TBC1D4: variants seen among roughly 807,000 people sequenced by gnomAD.
The protein encoded by TBC1D4 is TBC1 domain family member 4.
TBC1D4 carries 121 observed loss-of-function variants against 142.5 expected under a neutral mutation model. The observed-to-expected ratio is 0.85, with a 90% CI of 0.73 to 0.99. The LOEUF is 0.99. TBC1D4 is among the 50% of genes least tolerant of loss of function. The pLI is 0.00. For synonymous variants in TBC1D4, 630 were observed against 628.2 expected (o/e 1.00, Z -0.04); for missense variants, 1,475 against 1,606.6 (o/e 0.92, Z 1.40).
chr13:75,470,948 T>G (rs912537070), intron 1 of TBC1D4, among the ~76,000 whole-genome samples: 1 of 150,606 alleles, frequency 6.6e-6, no homozygotes, highest in Non-Finnish European at 1.5e-5. Context: ...GATCCGCCAC[T>G]GCACTCCAGC....
intron 1 of TBC1D4, among the ~76,000 whole-genome samples, chr13:75,462,319 A>G (rs1482424257): frequency 6.6e-6 from 1 of 152,190 alleles, no homozygotes; most frequent in Admixed American, 6.5e-5. Context: ...TACAGACCTA[A>G]AGTTTAATAT....
At chr13:75,328,822 T>C (rs569367473) in intron 8 of TBC1D4, among the ~76,000 whole-genome samples, 1 of 152,198 alleles carries the variant, frequency 6.6e-6, no homozygotes, top group South Asian at 2.1e-4. Flanking sequence ...GGGTAAGGGG[T>C]TGCATTTCAT....
rs547487480 is a variant in TBC1D4, at chr13:75,291,319, C to A, written c.3486+783G>T. 7.2e-5 allele frequency among the ~76,000 whole-genome samples: 11 copies of A among 152,310 alleles called. No homozygotes were observed. In the East Asian group the frequency reaches 7.7e-4, roughly 11 times the overall value. On this transcript the variant is annotated intron_variant, in intron 19 of 20. Transcript: ENST00000377636. ...TCTGCCTAGTTCAACAAGACCACAACAACCAGCACAGAACCCTCCTCCACG... is the reference window on the plus strand; with the variant it reads ...TCTGCCTAGTTCAACAAGACCACAAAAACCAGCACAGAACCCTCCTCCACG...
At chr13:75,480,178 T>A (rs1017276932) in intron 1 of TBC1D4, among the ~76,000 whole-genome samples, 2 of 152,124 alleles carry the variant, frequency 1.3e-5, no homozygotes, top group African/African-American at 4.8e-5. Context: ...ATAAAAAAAA[T>A]TAAAGCCATA....
Position 75,356,104 on chromosome 13 carries a change from G to A in TBC1D4, c.1275+43C>T, listed in dbSNP as rs746179901. ...TAAGAGACAAGTCTTCTGTTCGACA[G>A]ATGTGTCCGCAGGAGCAGGCAGACA... On this transcript the variant is annotated intron_variant, in intron 4 of 20. Transcript: ENST00000377636. The A allele has an allele frequency of 9.6e-6, 14 of 1,453,204 alleles. No individual in the cohort carries two copies. In the Middle Eastern group the frequency reaches 1.4e-3, roughly 145 times the overall value. 90.0% of individuals were successfully genotyped at this position (1,453,204 alleles called of 1,614,324 possible). A position where few individuals can be genotyped will look rare whatever the true frequency, so the allele number is the denominator to read the frequency against.
At position 75,341,083 on chromosome 13, in the gene TBC1D4, A is replaced by C. The variant is rs756271610; in HGVS notation, c.1611+42T>G. On this transcript the variant is annotated intron_variant, in intron 7 of 20. Coordinates refer to ENST00000377636, the MANE Select transcript of TBC1D4 (RefSeq NM_014832.5). ...AAAGGGAAGAATTAACAAAATTATT[A>C]AACAACAACAAAAGTAGGTGAAGTA... The C allele has an allele frequency of 4.4e-6, 7 of 1,575,704 alleles. 1 individual carries two copies. The South Asian group carries it at 6.7e-5, about 15-fold the overall frequency.
chr13:75,320,030 T>C lies in TBC1D4; in HGVS notation c.2206A>G (p.Thr736Ala), dbSNP rs542340330. 8 of 1,613,416 alleles carry C rather than the reference T, an allele frequency of 5.0e-6. No homozygotes were observed. In the Admixed American group the frequency reaches 6.7e-5, roughly 13 times the overall value. Reference protein sequence around the residue: ...PQYENEIRQDTASESSDGEGR... With the variant: ...PQYENEIRQDAASESSDGEGR... ...TCTAATCACCTTGATTCTGAAGCAG[T>C]GTCTTGTCTGGTACAACAGGAAAAC... The change falls in exon 12 of 21, where the codon ACT (threonine) becomes GCT (alanine). Residue 736 changes from threonine to alanine, a missense_variant. Physicochemically the swap from Thr to Ala is moderately conservative, Grantham distance 58. Around this residue, in one of 2 missense-constraint regions of TBC1D4, gnomAD observed 1,227 missense variants for 1,267.7 expected, o/e 0.97. Coordinates refer to ENST00000377636, the MANE Select transcript of TBC1D4 (RefSeq NM_014832.5).
At chr13:75,333,245 C>T (rs189091422) in intron 8 of TBC1D4, among the ~76,000 whole-genome samples, 12 of 152,290 alleles carry the variant, frequency 7.9e-5, no homozygotes, top group Non-Finnish European at 1.5e-4. Flanking sequence ...GTTAAAACAC[C>T]TACCACCCAA....
At chr13:75,354,919 G>A (rs1166841174) in intron 4 of TBC1D4, among the ~76,000 whole-genome samples, 2 of 152,120 alleles carry the variant, frequency 1.3e-5, no homozygotes, top group African/African-American at 4.8e-5. Context: ...AACAGCCTCT[G>A]GATATCAACA....
At chr13:75,307,064 G>A (rs1324378617) in intron 14 of TBC1D4, among the ~76,000 whole-genome samples, 2 of 152,136 alleles carry the variant, frequency 1.3e-5, no homozygotes, top group Admixed American at 6.5e-5. Flanking sequence ...TCAACCTCCT[G>A]AGCTCCCATC....
At chr13:75,416,456 G>A (rs2138100612) in intron 1 of TBC1D4, among the ~76,000 whole-genome samples, 1 of 152,290 alleles carries the variant, frequency 6.6e-6, no homozygotes, top group Middle Eastern at 3.4e-3. Flanking sequence ...GATTTACAAA[G>A]ATAACTAAGT....
At chr13:75,380,082 T>C (rs1883740864) in intron 1 of TBC1D4, among the ~76,000 whole-genome samples, 1 of 151,508 alleles carries the variant, frequency 6.6e-6, no homozygotes, top group Non-Finnish European at 1.5e-5. Flanking sequence ...TTTCACTGTG[T>C]TGGCCAGGTA....
At chr13:75,304,080 G>A (rs1876897786) in intron 15 of TBC1D4, among the ~76,000 whole-genome samples, 1 of 152,132 alleles carries the variant, frequency 6.6e-6, no homozygotes, top group Non-Finnish European at 1.5e-5. Flanking sequence ...GGCTTAAATG[G>A]TCCTTGAGAA....
chr13:75,303,386 G>A (rs1038916500), intron 15 of TBC1D4, among the ~76,000 whole-genome samples: 1 of 152,020 alleles, frequency 6.6e-6, no homozygotes, highest in African/African-American at 2.4e-5. Flanking sequence ...AACAACATTC[G>A]GGCTTTGAAA....
At chr13:75,342,946 C>G (rs999723711) in intron 5 of TBC1D4, among the ~76,000 whole-genome samples, 1 of 152,044 alleles carries the variant, frequency 6.6e-6, no homozygotes, top group African/African-American at 2.4e-5. Context: ...AAATATATTA[C>G]ATGATGTTAT....
At chr13:75,395,878 G>C (rs866482362) in intron 1 of TBC1D4, among the ~76,000 whole-genome samples, 5 of 152,056 alleles carry the variant, frequency 3.3e-5, no homozygotes, top group African/African-American at 9.7e-5. Flanking sequence ...TGATACCTTG[G>C]TAAGTATCAT....
chr13:75,386,087 A>G (rs1416895800), intron 1 of TBC1D4, among the ~76,000 whole-genome samples: 3 of 152,196 alleles, frequency 2.0e-5, no homozygotes, highest in Non-Finnish European at 4.4e-5. Context: ...CTAAACAGAA[A>G]ACAAAAGGAT....
Position 75,286,735 on chromosome 13 carries a change from C to A in TBC1D4, c.*57G>T. 6.5e-7 allele frequency: 1 copy of A among 1,545,554 alleles called. No homozygotes were observed. The highest frequency in any genetic ancestry group is 1.1e-5 in the South Asian group (1 of 86,962). ...CAGCCTTGGGCCAGCGACATGCAGG[C>A]TCTTCCTCTCTGTAGTATTCTAAGG... is the stretch of plus-strand genomic sequence containing the variant. On this transcript the variant is annotated 3_prime_UTR_variant, in exon 21 of 21. Coordinates refer to ENST00000377636, the MANE Select transcript of TBC1D4 (RefSeq NM_014832.5).
chr13:75,307,044 C>T (rs533401004), intron 14 of TBC1D4, among the ~76,000 whole-genome samples: 40 of 152,292 alleles, frequency 2.6e-4, no homozygotes, highest in African/African-American at 8.9e-4. Context: ...AATCATAGCT[C>T]ACTGCAGCCT....
Sources: allele counts gnomAD v4.1 joint callset (sites outside exome capture counted in the v4.1 genomes callset), GRCh38; gene constraint gnomAD v4.1.1; regional missense constraint gnomAD v4.1.1; transcripts MANE v1.5; gene names NCBI Gene and HGNC (gene_info 2026-07-23, HGNC 2026-07-21).